Variants in NAALADL2 observed in about 807,000 individuals in gnomAD.
The protein encoded by NAALADL2 is inactive N-acetylated-alpha-linked acidic dipeptidase-like protein 2.
A neutral mutation model predicts 87.2 loss-of-function variants in NAALADL2; 76 were observed. The ratio of observed to expected loss-of-function variants is 0.87; its 90% CI spans 0.72 to 1.05. NAALADL2 has a LOEUF of 1.05. Among genes scored for constraint, NAALADL2 ranks in the 50% least tolerant of loss-of-function variants. The pLI, the probability that NAALADL2 is intolerant of heterozygous loss-of-function variation, is 0.00. For missense variants in NAALADL2, 1,089 were observed against 945.8 expected, an observed-to-expected ratio of 1.15 and a Z score of -1.99; for synonymous variants, 354 against 331.0, an observed-to-expected ratio of 1.07 and a Z score of -0.75.
intron 9 of NAALADL2, among the ~76,000 whole-genome samples, chr3:175,572,276 A>G (rs6791982): frequency 0.92 from 139,833 of 152,102 alleles, 64,358 homozygotes; most frequent in Admixed American, 0.96. Flanking sequence ...CTCTTTTTCT[A>G]TATGCTATCC....
chr3:174,782,400 G>A (rs974183623), intron 3 of NAALADL2, among the ~76,000 whole-genome samples: 3 of 151,904 alleles, frequency 2.0e-5, no homozygotes, highest in Admixed American at 6.6e-5. Flanking sequence ...TGAATTATGG[G>A]CATTATTAAT....
intron 2 of NAALADL2, among the ~76,000 whole-genome samples, chr3:174,580,777 G>C (rs777509441): frequency 9.2e-5 from 14 of 152,002 alleles, no homozygotes; most frequent in Non-Finnish European, 1.6e-4. Context: ...CTTATTTTCA[G>C]CTTTGGGCTA....
chr3:175,276,827 G>A (rs979471597), intron 4 of NAALADL2, among the ~76,000 whole-genome samples: 1 of 151,494 alleles, frequency 6.6e-6, no homozygotes, highest in South Asian at 2.1e-4. Context: ...AATCTTAATA[G>A]TGCAATCAAA....
chr3:175,190,866 T>C lies in NAALADL2; in HGVS notation c.546-43065T>C, dbSNP rs551276588. Reference sequence around the variant, plus strand: ...GGTGGCGGGCGCCTGTAGTCCCAGCTACTCGGGAGGCTGAGGCAGGAGAAT... The same window carrying C: ...GGTGGCGGGCGCCTGTAGTCCCAGCCACTCGGGAGGCTGAGGCAGGAGAAT... On this transcript the variant is annotated intron_variant, in intron 2 of 13. Coordinates refer to ENST00000454872, the MANE Select transcript of NAALADL2 (RefSeq NM_207015.3). Among the ~76,000 whole-genome samples, 207 of 151,178 alleles carry C rather than the reference T, an allele frequency of 1.4e-3. 2 individuals are homozygous for C. Among genetic ancestry groups the C allele is most frequent in the African/African-American group, 4.9e-3 (200 of 41,194 alleles).
At chr3:174,862,363 T>C (rs1038913531) in intron 1 of NAALADL2, among the ~76,000 whole-genome samples, 1 of 152,006 alleles carries the variant, frequency 6.6e-6, no homozygotes, top group African/African-American at 2.4e-5. Context: ...GGAAGGGAAC[T>C]ACCTGGAATA....
chr3:175,308,476 G>A (rs1435050577), intron 4 of NAALADL2, among the ~76,000 whole-genome samples: 1 of 152,160 alleles, frequency 6.6e-6, no homozygotes, highest in Admixed American at 6.6e-5. Context: ...AGTCACCTGG[G>A]ATATAGTCCA....
chr3:175,641,854 G>C (rs565621798), intron 11 of NAALADL2, among the ~76,000 whole-genome samples: 1 of 152,190 alleles, frequency 6.6e-6, no homozygotes, highest in Non-Finnish European at 1.5e-5. Flanking sequence ...AGCATAAAAA[G>C]TACACTTGTT....
chr3:174,465,604 G>A (rs1245428369), intron 1 of NAALADL2, among the ~76,000 whole-genome samples: 13 of 152,224 alleles, frequency 8.5e-5, no homozygotes, highest in Admixed American at 8.5e-4. Flanking sequence ...TAAGATGTTT[G>A]AATTACAGCA....
At chr3:174,557,567 A>G (rs930600146) in intron 2 of NAALADL2, among the ~76,000 whole-genome samples, 3 of 152,342 alleles carry the variant, frequency 2.0e-5, no homozygotes, top group African/African-American at 7.2e-5. Context: ...TTAGGATTTC[A>G]GTAAATATGC....
Position 174,950,782 on chromosome 3 carries a change from T to C in NAALADL2, c.43+91332T>C, listed in dbSNP as rs1579686152. ...ATACTTAGCATCATAAAAGTAGCAT[T>C]TTACAAAAATAATAAAATAGAAATA... On this transcript the variant is annotated intron_variant, in intron 1 of 13. Transcript: ENST00000454872. Among the ~76,000 whole-genome samples the C allele has an allele frequency of 3.3e-5, 5 of 152,252 alleles. No individual in the cohort carries two copies. The South Asian group carries it at 1.0e-3, about 32-fold the overall frequency.
chr3:175,239,001 G>T (rs1212849677), intron 3 of NAALADL2, among the ~76,000 whole-genome samples: 1 of 152,122 alleles, frequency 6.6e-6, no homozygotes, highest in Non-Finnish European at 1.5e-5. Flanking sequence ...TTCATCATAG[G>T]ACCGTTTTGT....
At chr3:174,632,870 G>T (rs996230247) in intron 2 of NAALADL2, among the ~76,000 whole-genome samples, 1 of 148,912 alleles carries the variant, frequency 6.7e-6, no homozygotes, top group Non-Finnish European at 1.5e-5. Context: ...GGGAGGTGGA[G>T]GTTGCAGTGA....
chr3:175,395,256 G>A (rs1769624437), intron 5 of NAALADL2, among the ~76,000 whole-genome samples: 1 of 152,100 alleles, frequency 6.6e-6, no homozygotes, highest in African/African-American at 2.4e-5. Context: ...ACACCACTCA[G>A]AAGAGTGTAC....
At chr3:174,910,419 T>A (rs1733547652) in intron 1 of NAALADL2, among the ~76,000 whole-genome samples, 1 of 152,128 alleles carries the variant, frequency 6.6e-6, no homozygotes, top group Non-Finnish European at 1.5e-5. Context: ...TTATTAAATG[T>A]GGGTCTGATG....
chr3:175,331,413 G>A (rs1761384384), intron 5 of NAALADL2, among the ~76,000 whole-genome samples: 1 of 152,022 alleles, frequency 6.6e-6, no homozygotes, highest in Non-Finnish European at 1.5e-5. Flanking sequence ...CCAAATACTA[G>A]CAAACCAAAT....
At chr3:174,887,891 G>T (rs1376902529) in intron 1 of NAALADL2, among the ~76,000 whole-genome samples, 1 of 151,404 alleles carries the variant, frequency 6.6e-6, no homozygotes, top group Admixed American at 6.6e-5. Flanking sequence ...CATGGAGCTT[G>T]CATTTTAACA....
chr3:175,730,395 G>GATATATATATATATATATATATATATAT (rs5854656), intron 11 of NAALADL2, among the ~76,000 whole-genome samples: 1 of 55,748 alleles, frequency 1.8e-5, no homozygotes, highest in Non-Finnish European at 3.5e-5. Flanking sequence ...ACTTAATACA[G>GATATATATATATATATATATATATATAT]ATATATATAT....
At chr3:174,893,186 G>T (rs1023668483) in intron 1 of NAALADL2, among the ~76,000 whole-genome samples, 1 of 152,028 alleles carries the variant, frequency 6.6e-6, no homozygotes, top group African/African-American at 2.4e-5. Flanking sequence ...TTAAACTAGA[G>T]TAGTATATCT....
At chr3:174,515,426 T>C (rs1719883411) in intron 1 of NAALADL2, among the ~76,000 whole-genome samples, 1 of 152,112 alleles carries the variant, frequency 6.6e-6, no homozygotes, top group Admixed American at 6.5e-5. Context: ...GAAAAGTCTT[T>C]AACATGGAGT....
Sources: gnomAD v4.1 joint callset for allele counts (sites outside exome capture counted in the v4.1 genomes callset) on GRCh38, gnomAD v4.1.1 for gene constraint, MANE v1.5 for transcripts, NCBI Gene and HGNC (gene_info 2026-07-23, HGNC 2026-07-21) for gene names.